FARP1: variants seen among roughly 807,000 people sequenced by gnomAD.
FARP1 encodes FERM, ARHGEF and pleckstrin domain-containing protein 1.
FARP1 carries 52 observed loss-of-function variants against 128.8 expected under a neutral mutation model. That is an observed-to-expected ratio of 0.40 (90% CI 0.32 to 0.51). The LOEUF (loss-of-function observed/expected upper bound fraction) is 0.51. Among genes scored for constraint, FARP1 ranks in the 20% least tolerant of loss-of-function variants. The probability of loss-of-function intolerance (pLI) is 0.45; values close to 1 mark genes in which losing one functional copy is unlikely to be tolerated. For missense variants in FARP1, 1,333 were observed against 1,367.9 expected (o/e 0.97, Z 0.40); for synonymous variants, 580 against 551.8 (o/e 1.05, Z -0.72).
At chr13:98,375,216 T>G (rs1889530809) in intron 5 of FARP1, among the ~76,000 whole-genome samples, 1 of 152,242 alleles carries the variant, frequency 6.6e-6, no homozygotes, top group African/African-American at 2.4e-5. Context: ...ATTATTCTTT[T>G]GCCAGGTAAA....
intron 10 of FARP1, 27 bp from the exon 11 acceptor site, chr13:98,390,785 C>T (rs776166244): frequency 2.5e-6 from 4 of 1,571,490 alleles, no homozygotes; most frequent in East Asian, 2.2e-5. Flanking sequence ...GTATTTCTCC[C>T]CTTCCCTGTT....
chr13:98,287,329 A>G (rs1369978386), intron 2 of FARP1, among the ~76,000 whole-genome samples: 2 of 143,510 alleles, frequency 1.4e-5, no homozygotes, highest in East Asian at 2.1e-4. Flanking sequence ...TCCCGGGTTC[A>G]TGCCATTCTC....
chr13:98,153,659 G>A (rs1336929696), intron 1 of FARP1, among the ~76,000 whole-genome samples: 2 of 148,934 alleles, frequency 1.3e-5, no homozygotes, highest in African/African-American at 4.9e-5. Context: ...CGACTCCCGG[G>A]TTCAAGTGAT....
In FARP1 at chr13:98,446,554, C is replaced by T. The variant is rs369875852; in HGVS notation, c.2905-112C>T. The T allele has an allele frequency of 8.9e-5, 103 of 1,153,092 alleles. 1 individual carries two copies. The highest frequency in any genetic ancestry group is 8.6e-4 in the South Asian group (62 of 72,414). 71.4% of individuals were successfully genotyped at this position (1,153,092 alleles called of 1,614,324 possible). ...CCATGGTCCCTTCCAGGCCCACGCC[C>T]GAGGAGGGAGCTGCCTGGGCTCCCA... On this transcript the variant is annotated intron_variant, in intron 25 of 26. Coordinates refer to ENST00000319562, the MANE Select transcript of FARP1 (RefSeq NM_005766.4).
chr13:98,203,103 C>T (rs1205731909), intron 1 of FARP1, among the ~76,000 whole-genome samples: 2 of 152,206 alleles, frequency 1.3e-5, no homozygotes, highest in Admixed American at 1.3e-4. Flanking sequence ...AGCCAGTCCC[C>T]AGCCTGCCTT....
At chr13:98,303,170 A>G (rs1217515830) in intron 2 of FARP1, among the ~76,000 whole-genome samples, 1 of 152,248 alleles carries the variant, frequency 6.6e-6, no homozygotes, top group East Asian at 1.9e-4. Flanking sequence ...TTTATGTGAA[A>G]TGTCCAGAAA....
rs141797511 is a variant in FARP1, at chr13:98,426,515, A to T, written c.1905+1865A>T. ...AAAAATAAATAATAAATAAGCAAAG[A>T]TGAATCTCGTGAGGGAGAGACAAGA... On this transcript the variant is annotated intron_variant, in intron 17 of 26. Coordinates refer to ENST00000319562, the MANE Select transcript of FARP1 (RefSeq NM_005766.4). Among the ~76,000 whole-genome samples the T allele has an allele frequency of 3.9e-4, 60 of 152,258 alleles. 1 individual carries two copies. The East Asian group carries it at 0.011, about 27-fold the overall frequency.
Position 98,411,954 on chromosome 13 carries a change from T to C in FARP1, c.1746T>C (p.Ser582=). The change falls in exon 16 of 27, where the codon AGT becomes AGC. Residue 582 remains serine, a synonymous_variant. Coordinates refer to ENST00000319562, the MANE Select transcript of FARP1 (RefSeq NM_005766.4). ...ACGCCATGCCGGAAGCACTGAAAAG[T>C]CTCATATTCCCGAATTTTGAACCTT... ...KEDAMPEALK[S]LIFPNFEPLH... 1 of 1,614,026 alleles carries C rather than the reference T, an allele frequency of 6.2e-7. No homozygotes were observed. Among genetic ancestry groups the C allele is most frequent in the Non-Finnish European group, 8.5e-7 (1 of 1,179,890 alleles).
chr13:98,378,928 C>T (rs1298681218), intron 6 of FARP1, among the ~76,000 whole-genome samples: 1 of 109,824 alleles, frequency 9.1e-6, no homozygotes, highest in Non-Finnish European at 1.7e-5. Context: ...ATAATATATA[C>T]AATATATAAT....
chr13:98,195,425 G>A (rs574624746), intron 1 of FARP1, among the ~76,000 whole-genome samples: 23 of 152,286 alleles, frequency 1.5e-4, no homozygotes, highest in African/African-American at 5.3e-4. Context: ...TGTCTACTGC[G>A]TGTGTGTCTC....
At chr13:98,334,582 C>G (rs1566890826) in intron 2 of FARP1, among the ~76,000 whole-genome samples, 1 of 152,210 alleles carries the variant, frequency 6.6e-6, no homozygotes, top group Non-Finnish European at 1.5e-5. Flanking sequence ...AATAGCATCT[C>G]TAGCCCTTTC....
intron 24 of FARP1, among the ~76,000 whole-genome samples, chr13:98,442,336 C>T (rs532286367): frequency 8.0e-4 from 122 of 152,352 alleles, no homozygotes; most frequent in African/African-American, 2.8e-3. Context: ...AATTTATTCT[C>T]GGGAAACGAC....
At chr13:98,407,890 G>A (rs2033481717) in intron 13 of FARP1, among the ~76,000 whole-genome samples, 1 of 152,172 alleles carries the variant, frequency 6.6e-6, no homozygotes, top group African/African-American at 2.4e-5. Context: ...TTCTAGGTAG[G>A]CTGTTGTATC....
chr13:98,265,311 A>ATTTTTTTTTTTTTTTTTTT (rs60809416), intron 2 of FARP1, among the ~76,000 whole-genome samples: 1 of 60,252 alleles, frequency 1.7e-5, no homozygotes, highest in Non-Finnish European at 2.7e-5. Context: ...TCCTTCCTGA[A>ATTTTTTTTTTTTTTTTTTT]TTTTTTTTTT....
intron 1 of FARP1, among the ~76,000 whole-genome samples, chr13:98,165,166 G>A (rs1409619090): frequency 1.6e-5 from 2 of 126,670 alleles, no homozygotes; most frequent in South Asian, 2.8e-4. Context: ...AGTGAGCCGA[G>A]ATTGAGCCAT....
intron 2 of FARP1, among the ~76,000 whole-genome samples, chr13:98,319,948 C>T (rs72655159): frequency 0.03 from 4,615 of 152,058 alleles, 99 homozygotes; most frequent in Middle Eastern, 0.054. Flanking sequence ...TGAAGAACAA[C>T]CTTGAGGTAA....
At chr13:98,430,623 T>G (rs1891973699) in intron 17 of FARP1, among the ~76,000 whole-genome samples, 1 of 152,202 alleles carries the variant, frequency 6.6e-6, no homozygotes, top group South Asian at 2.1e-4. Flanking sequence ...AGCAGAACTG[T>G]GGTTTTAAAA....
intron 1 of FARP1, among the ~76,000 whole-genome samples, chr13:98,191,396 G>A (rs1021904647): frequency 1.3e-5 from 2 of 152,142 alleles, no homozygotes; most frequent in African/African-American, 2.4e-5. Context: ...AAGCTTCATC[G>A]TGGTGAAATG....
chr13:98,419,803 G>A (rs577078747), intron 16 of FARP1, among the ~76,000 whole-genome samples: 29 of 152,214 alleles, frequency 1.9e-4, no homozygotes, highest in African/African-American at 6.3e-4. Flanking sequence ...ATAGAGCAGG[G>A]GGACAAAAAT....
Sources: gnomAD v4.1 joint callset for allele counts (sites outside exome capture counted in the v4.1 genomes callset) on GRCh38, gnomAD v4.1.1 for gene constraint, MANE v1.5 for transcripts, NCBI Gene and HGNC (gene_info 2026-07-23, HGNC 2026-07-21) for gene names.